Variants in CACNA1D observed in about 807,000 individuals in gnomAD.
The protein encoded by CACNA1D is calcium voltage-gated channel subunit alpha1 D.
CACNA1D carries 55 observed loss-of-function variants against 257.1 expected under a neutral mutation model. The ratio of observed to expected loss-of-function variants is 0.21; its 90% CI spans 0.17 to 0.27. The LOEUF (loss-of-function observed/expected upper bound fraction) is 0.27. Among genes scored for constraint, CACNA1D ranks in the 10% least tolerant of loss-of-function variants. The pLI, the probability that CACNA1D is intolerant of heterozygous loss-of-function variation, is 1.00. For missense variants in CACNA1D, 1,876 were observed against 2,784.0 expected, an observed-to-expected ratio of 0.67 and a Z score of 7.34; for synonymous variants, 980 against 1,014.9, an observed-to-expected ratio of 0.97 and a Z score of 0.65.
At chr3:53,514,828 T>G (rs2091269195) in intron 3 of CACNA1D, among the ~76,000 whole-genome samples, 1 of 152,176 alleles carries the variant, frequency 6.6e-6, no homozygotes, top group African/African-American at 2.4e-5. Flanking sequence ...GACAGTTTGC[T>G]TGGATTGGAG....
At chr3:53,524,136 G>T (rs575397204) in intron 3 of CACNA1D, among the ~76,000 whole-genome samples, 1 of 152,184 alleles carries the variant, frequency 6.6e-6, no homozygotes, top group African/African-American at 2.4e-5. Context: ...AGGGGAGGAT[G>T]GGGGGAAGGT....
chr3:53,736,762 A>T (rs964341265), intron 20 of CACNA1D, among the ~76,000 whole-genome samples: 1 of 152,036 alleles, frequency 6.6e-6, no homozygotes, highest in Non-Finnish European at 1.5e-5. Flanking sequence ...GTATTGGCAC[A>T]TGCCTGTCCC....
chr3:53,541,791 G>A (rs536862448), intron 3 of CACNA1D, among the ~76,000 whole-genome samples: 8 of 152,162 alleles, frequency 5.3e-5, no homozygotes, highest in East Asian at 1.9e-4. Context: ...GATTACTGTC[G>A]CGTAGGGGAG....
At chr3:53,539,103 AT>A (rs1048214916) in intron 3 of CACNA1D, among the ~76,000 whole-genome samples, 67 of 147,262 alleles carry the variant, frequency 4.5e-4, no homozygotes, top group Non-Finnish European at 5.9e-4. Flanking sequence ...TGCTTCCTGA[AT>A]TTTTTTTTTT....
chr3:53,709,380 C>T (rs1164070014), intron 9 of CACNA1D, among the ~76,000 whole-genome samples: 1 of 152,196 alleles, frequency 6.6e-6, no homozygotes, highest in Non-Finnish European at 1.5e-5. Flanking sequence ...GATTTGAACC[C>T]AAGCTCTGCC....
intron 3 of CACNA1D, among the ~76,000 whole-genome samples, chr3:53,608,682 T>C (rs1353818877): frequency 2.6e-5 from 4 of 152,214 alleles, no homozygotes. Flanking sequence ...GCTTTTACCA[T>C]GAGTAGTTAT....
At chr3:53,540,975 TA>T (rs1328197415) in intron 3 of CACNA1D, among the ~76,000 whole-genome samples, 1 of 152,014 alleles carries the variant, frequency 6.6e-6, no homozygotes, top group Non-Finnish European at 1.5e-5. Flanking sequence ...TTCCTGACCT[TA>T]GCTGATCCAT....
intron 31 of CACNA1D, 103 bp downstream of exon 31, chr3:53,770,120 T>C: frequency 1.0e-6 from 1 of 991,108 alleles, no homozygotes; most frequent in Non-Finnish European, 1.6e-6. Context: ...TGATTGTCCT[T>C]CCAGAACAGT....
In CACNA1D at chr3:53,782,264, GTATATATATATATATATA is replaced by G. The variant is rs1553680730; in HGVS notation, c.4792+609_4792+626del. ...AGTGTGTGTGTGTGTGTGTGTGTGT[GTATATATATATATATATA>G]TATATATATATGCATACTGGCTTTG... On this transcript the variant is annotated intron_variant, in intron 39 of 47. Coordinates refer to ENST00000350061, the MANE Select transcript of CACNA1D (RefSeq NM_001128840.3). 13 of 75,446 alleles carry G rather than the reference GTATATATATATATATATA, an allele frequency of 1.7e-4. 1 individual carries two copies. Among genetic ancestry groups the G allele is most frequent in the African/African-American group, 7.6e-4 (12 of 15,844 alleles). The allele number at this position is 75,446 out of a possible 1,614,324, so 4.7% of individuals were successfully genotyped here. A position where few individuals can be genotyped will look rare whatever the true frequency, so the allele number is the denominator to read the frequency against.
chr3:53,518,390 C>T (rs1207958939), intron 3 of CACNA1D, among the ~76,000 whole-genome samples: 2 of 152,206 alleles, frequency 1.3e-5, no homozygotes, highest in Non-Finnish European at 2.9e-5. Context: ...TGAAGCATCA[C>T]TCTGTCTGTA....
Position 53,501,668 on chromosome 3 carries a change from C to G in CACNA1D, c.431C>G (p.Ala144Gly), listed in dbSNP as rs1311944129. ...ATTTTTGCCAATTGTGTGGCCTTAGCTATTTACATCCCATTCCCTGAAGAT... is the reference window on the plus strand; with the variant it reads ...ATTTTTGCCAATTGTGTGGCCTTAGGTATTTACATCCCATTCCCTGAAGAT... ...LAIFANCVAL[A>G]IYIPFPEDDS... The change falls in exon 3 of 48, where the codon GCT (alanine) becomes GGT (glycine). Residue 144 changes from alanine (A) to glycine (G), a missense_variant. This residue lies in a region of CACNA1D where 188 missense variants were observed against 390.4 expected (regional missense o/e 0.48). Transcript: ENST00000350061. 6.2e-7 allele frequency: 1 copy of G among 1,604,908 alleles called. No homozygotes were observed. Among genetic ancestry groups the G allele is most frequent in the African/African-American group, 1.3e-5 (1 of 74,852 alleles).
At chr3:53,739,888 A>C (rs1039593676) in intron 20 of CACNA1D, among the ~76,000 whole-genome samples, 3 of 152,228 alleles carry the variant, frequency 2.0e-5, no homozygotes, top group African/African-American at 7.2e-5. Context: ...AACATACTTC[A>C]TTCAGCCAGA....
chr3:53,681,356 C>G (rs932336415), intron 8 of CACNA1D, among the ~76,000 whole-genome samples: 1 of 152,214 alleles, frequency 6.6e-6, no homozygotes, highest in African/African-American at 2.4e-5. Flanking sequence ...AATAGGGCAA[C>G]TGTGCTTGGC....
intron 29 of CACNA1D, among the ~76,000 whole-genome samples, chr3:53,757,227 T>TC (rs2095271175): frequency 1.3e-5 from 2 of 152,190 alleles, no homozygotes; most frequent in South Asian, 2.1e-4. Context: ...TGTTTTTTTT[T>TC]CAGTTCTTCA....
chr3:53,735,527 C>A, intron 20 of CACNA1D, 24 bp downstream of exon 20: 4 of 1,613,206 alleles, frequency 2.5e-6, no homozygotes, highest in South Asian at 1.1e-5. Context: ...GTGGGGCTCG[C>A]TCTGGGATAG....
intron 3 of CACNA1D, among the ~76,000 whole-genome samples, chr3:53,542,739 C>T (rs1207106621): frequency 6.6e-6 from 1 of 152,080 alleles, no homozygotes; most frequent in African/African-American, 2.4e-5. Context: ...AAATACAAAT[C>T]AGTGCTACTC....
At chr3:53,744,869 G>T (rs758175482) in intron 23 of CACNA1D, 42 bp downstream of exon 23, 3 of 1,170,218 alleles carry the variant, frequency 2.6e-6, no homozygotes, top group Non-Finnish European at 3.9e-6. Context: ...CTTGGGTTGG[G>T]GTTGGCTGTA....
At chr3:53,501,582 A>G (rs111367499) in intron 2 of CACNA1D, 33 bp from the exon 3 acceptor site, 2 of 1,116,710 alleles carry the variant, frequency 1.8e-6, no homozygotes, top group East Asian at 2.3e-5. Flanking sequence ...TTATGTTTCC[A>G]TAACACATAT....
rs745950012 is a variant in CACNA1D, at chr3:53,786,814, C to T, written c.4793-8C>T. On this transcript the variant is annotated splice_region_variant and splice_polypyrimidine_tract_variant and intron_variant, in intron 39 of 47. Coordinates refer to ENST00000350061, the MANE Select transcript of CACNA1D (RefSeq NM_001128840.3). ...TTCGGGAGAGCTCTGTCTGGTCTCTCCGTTTAGATGATGAGGTAACCGTGG... is the reference window on the plus strand; with the variant it reads ...TTCGGGAGAGCTCTGTCTGGTCTCTTCGTTTAGATGATGAGGTAACCGTGG... 1 of 1,542,008 alleles carries T rather than the reference C, an allele frequency of 6.5e-7. No homozygotes were observed. The highest frequency in any genetic ancestry group is 1.7e-5 in the Admixed American group (1 of 57,550).
Sources: allele counts gnomAD v4.1 joint callset (sites outside exome capture counted in the v4.1 genomes callset), GRCh38; gene constraint gnomAD v4.1.1; regional missense constraint gnomAD v4.1.1; transcripts MANE v1.5; gene names NCBI Gene and HGNC (gene_info 2026-07-23, HGNC 2026-07-21).